Variants in TEK observed in about 807,000 individuals in gnomAD.
The protein encoded by TEK is TEK receptor tyrosine kinase.
A neutral mutation model predicts 131.8 loss-of-function variants in TEK; 43 were observed. The ratio of observed to expected loss-of-function variants is 0.33; its 90% CI spans 0.26 to 0.42. The LOEUF is 0.42. Among genes scored for constraint, TEK ranks in the 10% least tolerant of loss-of-function variants. The pLI, the probability that TEK is intolerant of heterozygous loss-of-function variation, is 1.00. For missense variants in TEK, 1,162 were observed against 1,384.4 expected (o/e 0.84, Z 2.55); for synonymous variants, 580 against 491.6 (o/e 1.18, Z -2.38).
intron 22 of TEK, among the ~76,000 whole-genome samples, 169 bp downstream of exon 22, chr9:27,228,474 T>C (rs542546640): frequency 1.7e-3 from 263 of 152,234 alleles, no homozygotes; most frequent in African/African-American, 4.6e-3. Flanking sequence ...AGTTACAATT[T>C]TGGGGGGAAA....
intron 7 of TEK, among the ~76,000 whole-genome samples, chr9:27,181,845 T>C (rs1420340425): frequency 6.6e-6 from 1 of 152,208 alleles, no homozygotes; most frequent in African/African-American, 2.4e-5. Context: ...CATATAAATA[T>C]AAATGCCATT....
In TEK at chr9:27,139,212, C is replaced by CAAAAAAAAA. The variant is rs746301649; in HGVS notation, c.53-18614_53-18606dup. Reference sequence around the variant, plus strand: ...TGGGCGACAGAGCGAGACTCTGTCTCAAAAAAAAAAAAACAGTAGGATTCT... The same window carrying CAAAAAAAAA: ...TGGGCGACAGAGCGAGACTCTGTCTCAAAAAAAAAAAAAAAAAAAAAACAGTAGGATTCT... On this transcript the variant is annotated intron_variant, in intron 1 of 22. Coordinates refer to ENST00000380036, the MANE Select transcript of TEK (RefSeq NM_000459.5). 8.2e-4 allele frequency among the ~76,000 whole-genome samples: 47 copies of CAAAAAAAAA among 57,380 alleles called. 1 individual carries two copies. Among genetic ancestry groups the CAAAAAAAAA allele is most frequent in the South Asian group, 5.2e-3 (8 of 1,534 alleles). 37.6% of individuals were successfully genotyped at this position (57,380 alleles called of 152,430 possible).
At position 27,169,566 on chromosome 9, in the gene TEK, T is replaced by TATATAGGTATAC; in HGVS notation, c.566_567insTATAGGTATACA (p.Tyr189_Ser190insIleGlyIleHis). 1 of 1,614,196 alleles carries TATATAGGTATAC rather than the reference T, an allele frequency of 6.2e-7. No individual in the cohort carries two copies. The highest frequency in any genetic ancestry group is 8.5e-7 in the Non-Finnish European group (1 of 1,180,008). The stretch of plus-strand genomic sequence containing the variant: ...TGCTCAGCCCCAGGATGCTGGAGTG[T>TATATAGGTATAC]ACTCGGCCAGGTATATAGGAGGAAA... On this transcript the variant is annotated inframe_insertion, in exon 4 of 23. Transcript: ENST00000380036.
intron 21 of TEK, among the ~76,000 whole-genome samples, chr9:27,226,184 G>T (rs959187981): frequency 2.0e-5 from 3 of 152,134 alleles, no homozygotes; most frequent in African/African-American, 7.2e-5. Flanking sequence ...GATTCCTCAG[G>T]GATCTAGAAT....
rs754322453 is a variant in TEK at position 27,109,564 on chromosome 9, A to G, written c.-27A>G. On this transcript the variant is annotated 5_prime_UTR_variant, in exon 1 of 23. Coordinates refer to ENST00000380036, the MANE Select transcript of TEK (RefSeq NM_000459.5). ...CTTGGGACCTCATGCACATTTGTGG[A>G]AACTGGATGGAGAGATTTGGGGAAG... is the stretch of plus-strand genomic sequence containing the variant. 5 of 1,614,048 alleles carry G rather than the reference A, an allele frequency of 3.1e-6. No homozygotes were observed. In the South Asian group the frequency reaches 5.5e-5, roughly 18 times the overall value.
At chr9:27,187,194 C>G (rs1824631595) in intron 9 of TEK, among the ~76,000 whole-genome samples, 1 of 152,222 alleles carries the variant, frequency 6.6e-6, no homozygotes, top group South Asian at 2.1e-4. Flanking sequence ...CACACAACAT[C>G]AATGTGTAGA....
chr9:27,157,696 T>C, intron 1 of TEK, 135 bp from the exon 2 acceptor site: 1 of 1,067,640 alleles, frequency 9.4e-7, no homozygotes, highest in Non-Finnish European at 1.4e-6. Flanking sequence ...CAGTGGAAGA[T>C]AGGCACATGG....
At chr9:27,139,063 G>T (rs1822617198) in intron 1 of TEK, among the ~76,000 whole-genome samples, 1 of 151,568 alleles carries the variant, frequency 6.6e-6, no homozygotes, top group Admixed American at 6.6e-5. Flanking sequence ...AAAAAAATTA[G>T]TTGGGCATGG....
chr9:27,150,984 A>T (rs545262339), intron 1 of TEK, among the ~76,000 whole-genome samples: 12 of 152,270 alleles, frequency 7.9e-5, no homozygotes, highest in African/African-American at 2.9e-4. Context: ...GGCTTGGTAC[A>T]ACTCCTGGGT....
At chr9:27,186,103 CACTT>C (rs1269161677) in intron 9 of TEK, among the ~76,000 whole-genome samples, 1 of 152,140 alleles carries the variant, frequency 6.6e-6, no homozygotes, top group African/African-American at 2.4e-5. Flanking sequence ...GAGGATTACT[CACTT>C]AATAAGAAGC....
Position 27,157,054 on chromosome 9 carries a change from TAA to T in TEK, c.53-774_53-773del, listed in dbSNP as rs749203694. Among the ~76,000 whole-genome samples, 89 of 152,352 alleles carry T rather than the reference TAA, an allele frequency of 5.8e-4. 1 individual carries two copies. Among genetic ancestry groups the T allele is most frequent in the Non-Finnish European group, 9.6e-4 (65 of 68,034 alleles). ...AAATAACATGAGAGGATTTTCTTTT[TAA>T]AAGTGTACTTCCTCATTTACAGAAC... On this transcript the variant is annotated intron_variant, in intron 1 of 22. Coordinates refer to ENST00000380036, the MANE Select transcript of TEK (RefSeq NM_000459.5).
intron 7 of TEK, among the ~76,000 whole-genome samples, chr9:27,182,533 A>G (rs1481952339): frequency 6.6e-6 from 1 of 152,138 alleles, no homozygotes; most frequent in Admixed American, 6.5e-5. Context: ...GAAGTAGGAT[A>G]TCAGTATAAA....
Position 27,209,171 on chromosome 9 carries a change from C to T in TEK, c.2626C>T (p.Leu876Phe). 1.2e-6 allele frequency: 2 copies of T among 1,614,038 alleles called. No individual in the cohort carries two copies. The highest frequency in any genetic ancestry group is 1.7e-6 in the Non-Finnish European group (2 of 1,179,928). The change falls in exon 16 of 23, where the codon CTT becomes TTT. Residue 876 changes from leucine to phenylalanine, a missense_variant. Leu to Phe is a conservative substitution (Grantham distance 22). This residue lies in a region of TEK where 57 missense variants were observed against 100.8 expected (regional missense o/e 0.57). Coordinates refer to ENST00000380036, the MANE Select transcript of TEK (RefSeq NM_000459.5). ...HRDFAGELEV[L>F]CKLGHHPNII... ...GGACTTTGCAGGAGAACTGGAAGTT[C>T]TTTGTAAACTTGGACACCATCCAAA...
At chr9:27,148,595 C>A (rs529256893) in intron 1 of TEK, among the ~76,000 whole-genome samples, 1 of 152,336 alleles carries the variant, frequency 6.6e-6, no homozygotes, top group African/African-American at 2.4e-5. Flanking sequence ...CAAGCCTCTG[C>A]TTATGCCACA....
At chr9:27,224,512 A>T (rs1826226993) in intron 21 of TEK, among the ~76,000 whole-genome samples, 1 of 152,246 alleles carries the variant, frequency 6.6e-6, no homozygotes, top group Admixed American at 6.5e-5. Flanking sequence ...AAAAAACCAC[A>T]TGTATCTCAA....
intron 1 of TEK, among the ~76,000 whole-genome samples, chr9:27,117,284 A>T (rs1346958058): frequency 6.6e-6 from 1 of 152,234 alleles, no homozygotes; most frequent in Non-Finnish European, 1.5e-5. Context: ...CACCGGCAGC[A>T]TCACCAAACC....
At chr9:27,210,186 G>T (rs1825551796) in intron 16 of TEK, 1 of 152,180 alleles carries the variant, frequency 6.6e-6, no homozygotes, top group Non-Finnish European at 1.5e-5. Flanking sequence ...AAATAATGAA[G>T]TAATGACATT....
chr9:27,131,806 A>T (rs545026989), intron 1 of TEK, among the ~76,000 whole-genome samples: 3 of 144,946 alleles, frequency 2.1e-5, no homozygotes, highest in African/African-American at 2.6e-5. Flanking sequence ...GATTTTGTTT[A>T]AAAAAAAAAA....
intron 2 of TEK, among the ~76,000 whole-genome samples, chr9:27,163,579 A>G (rs1823620542): frequency 6.6e-6 from 1 of 152,232 alleles, no homozygotes; most frequent in Non-Finnish European, 1.5e-5. Flanking sequence ...AGTGGCTGGA[A>G]TTGAGAGCTA....
Sources: allele counts gnomAD v4.1 joint callset (sites outside exome capture counted in the v4.1 genomes callset), GRCh38; gene constraint gnomAD v4.1.1; regional missense constraint gnomAD v4.1.1; transcripts MANE v1.5; gene names NCBI Gene and HGNC (gene_info 2026-07-23, HGNC 2026-07-21).